Variants in ANKRD11 observed in about 807,000 individuals in gnomAD.
The protein encoded by ANKRD11 is ankyrin repeat domain 11.
A neutral mutation model predicts 195.7 loss-of-function variants in ANKRD11; 17 were observed. The ratio of observed to expected loss-of-function variants is 0.09; its 90% CI spans 0.06 to 0.13. The LOEUF (loss-of-function observed/expected upper bound fraction) is 0.13. ANKRD11 is among the 10% of genes least tolerant of loss of function. The probability of loss-of-function intolerance (pLI) is 1.00; values close to 1 mark genes in which losing one functional copy is unlikely to be tolerated. For synonymous variants in ANKRD11, 1,953 were observed against 1,528.1 expected, an observed-to-expected ratio of 1.28 and a Z score of -6.49; for missense variants, 3,735 against 3,566.1, an observed-to-expected ratio of 1.05 and a Z score of -1.21.
chr16:89,467,036 A>G (rs1362853130), intron 1 of ANKRD11, among the ~76,000 whole-genome samples: 2 of 152,246 alleles, frequency 1.3e-5, no homozygotes, highest in Non-Finnish European at 2.9e-5. Context: ...ATCCTATCAT[A>G]TAAGAAATTC....
chr16:89,386,240 C>T lies in ANKRD11; in HGVS notation c.-60+32044G>A, dbSNP rs555413796. On this transcript the variant is annotated intron_variant, in intron 2 of 12. Coordinates refer to ENST00000301030, the MANE Select transcript of ANKRD11 (RefSeq NM_013275.6). ...ACAAGTTTTCCATTAACATAATGAC[C>T]AAATAAAAAATGACTCCATGTTAAA... is the stretch of plus-strand genomic sequence containing the variant. 4.6e-5 allele frequency among the ~76,000 whole-genome samples: 7 copies of T among 151,554 alleles called. No individual in the cohort carries two copies. In the South Asian group the frequency reaches 1.5e-3, roughly 32 times the overall value.
At chr16:89,330,219 C>G (rs565292647) in intron 2 of ANKRD11, among the ~76,000 whole-genome samples, 1 of 152,146 alleles carries the variant, frequency 6.6e-6, no homozygotes, top group South Asian at 2.1e-4. Flanking sequence ...GCTGTGTGTC[C>G]GGTCAGGGGC....
At chr16:89,485,961 G>A (rs2152380911) in intron 1 of ANKRD11, among the ~76,000 whole-genome samples, 1 of 152,280 alleles carries the variant, frequency 6.6e-6, no homozygotes, top group African/African-American at 2.4e-5. Context: ...GAAACGATGA[G>A]GAAATCTGAA....
chr16:89,457,475 G>A (rs539067858), intron 1 of ANKRD11, among the ~76,000 whole-genome samples: 5 of 150,778 alleles, frequency 3.3e-5, no homozygotes, highest in South Asian at 2.1e-4. Flanking sequence ...GTGGGCACCC[G>A]TAATCCCAGC....
intron 1 of ANKRD11, among the ~76,000 whole-genome samples, chr16:89,436,046 A>AT (rs1359322687): frequency 7.9e-5 from 12 of 152,174 alleles, no homozygotes; most frequent in African/African-American, 2.4e-4. Context: ...TCTTCCAACA[A>AT]TATGACTGCA....
At chr16:89,394,619 ACT>A (rs1448674128) in intron 2 of ANKRD11, among the ~76,000 whole-genome samples, 9 of 137,236 alleles carry the variant, frequency 6.6e-5, no homozygotes, top group Non-Finnish European at 1.4e-4. Flanking sequence ...CAAAAGCAAA[ACT>A]CTGTCTCCAA....
At chr16:89,335,979 ACT>A (rs1376007626) in intron 2 of ANKRD11, among the ~76,000 whole-genome samples, 4 of 152,122 alleles carry the variant, frequency 2.6e-5, no homozygotes, top group African/African-American at 9.7e-5. Context: ...ATGCCCTGTG[ACT>A]CTCTCAGATG....
intron 2 of ANKRD11, among the ~76,000 whole-genome samples, chr16:89,366,583 A>C (rs2039959986): frequency 6.6e-6 from 1 of 152,128 alleles, no homozygotes; most frequent in Non-Finnish European, 1.5e-5. Context: ...GCTGGTTTCC[A>C]CTCGCTGAAA....
chr16:89,329,321 C>T (rs543264925), intron 2 of ANKRD11, among the ~76,000 whole-genome samples: 3 of 152,140 alleles, frequency 2.0e-5, no homozygotes, highest in African/African-American at 7.2e-5. Flanking sequence ...GGCCACTGGG[C>T]GAAGGTGGGG....
At position 89,393,312 on chromosome 16, in the gene ANKRD11, TTA is replaced by T. The variant is rs1324808330; in HGVS notation, c.-60+24970_-60+24971del. ...CCTCTTTTTTTTACTTTTTTTATTT[TTA>T]TTTTTTTTTTTTTTGAGACGGAGGC... On this transcript the variant is annotated intron_variant, in intron 2 of 12. Transcript: ENST00000301030. Among the ~76,000 whole-genome samples the T allele has an allele frequency of 6.7e-5, 10 of 149,582 alleles. No individual in the cohort carries two copies. In the South Asian group the frequency reaches 1.0e-3, roughly 16 times the overall value.
In ANKRD11 at chr16:89,385,723, C is replaced by G. The variant is rs184479734; in HGVS notation, c.-60+32561G>C. 3.6e-3 allele frequency among the ~76,000 whole-genome samples: 544 copies of G among 152,376 alleles called. 3 individuals are homozygous for G. Among genetic ancestry groups the G allele is most frequent in the African/African-American group, 0.012 (491 of 41,582 alleles). On this transcript the variant is annotated intron_variant, in intron 2 of 12. Coordinates refer to ENST00000301030, the MANE Select transcript of ANKRD11 (RefSeq NM_013275.6). ...TCACGTACAGTCTGCAAAGAAAACC[C>G]CACTCAGCACCACTTTCACGTCTGA...
At chr16:89,269,164 A>AT (rs2032908137) in intron 12 of ANKRD11, among the ~76,000 whole-genome samples, 4 of 152,160 alleles carry the variant, frequency 2.6e-5, no homozygotes, top group Admixed American at 1.3e-4. Context: ...TGTCACAAGC[A>AT]ACCGTGTAGA....
At chr16:89,461,562 A>G (rs1312231586) in intron 1 of ANKRD11, among the ~76,000 whole-genome samples, 1 of 152,078 alleles carries the variant, frequency 6.6e-6, no homozygotes, top group Non-Finnish European at 1.5e-5. Context: ...GCTGGTCTCA[A>G]ACGCCTGTGC....
At chr16:89,430,808 A>G (rs981078365) in intron 1 of ANKRD11, among the ~76,000 whole-genome samples, 1 of 152,176 alleles carries the variant, frequency 6.6e-6, no homozygotes, top group Admixed American at 6.5e-5. Flanking sequence ...CTTTCTTAAG[A>G]CAAAAGGGAG....
intron 1 of ANKRD11, among the ~76,000 whole-genome samples, chr16:89,441,910 C>G (rs2043523042): frequency 6.6e-6 from 1 of 151,872 alleles, no homozygotes; most frequent in African/African-American, 2.4e-5. Flanking sequence ...CAAAAAGGCA[C>G]CTTCCCCCAT....
At chr16:89,416,981 A>C (rs2042337873) in intron 2 of ANKRD11, among the ~76,000 whole-genome samples, 1 of 152,034 alleles carries the variant, frequency 6.6e-6, no homozygotes, top group African/African-American at 2.4e-5. Flanking sequence ...GATCTTGAAA[A>C]ATGTCTCACC....
In ANKRD11 at chr16:89,281,237, T is replaced by C. The variant is rs772853156; in HGVS notation, c.5305A>G (p.Ser1769Gly). ...SFFDRFSVAS[S>G]GLSENASQAP... is the part of the protein sequence containing the mutation. ...TGGCTGGCGTTTTCCGAAAGCCCAC[T>C]TGAAGCCACGGAGAACCTGTCGAAA... The change falls in exon 9 of 13, where the codon AGT becomes GGT. Residue 1769 changes from serine to glycine, a missense_variant. By Grantham distance (56) the Ser-to-Gly change is moderately conservative. Transcript: ENST00000301030. This position sits in a 1 kb window ranked among gnomAD's most constrained non-coding sequence, Gnocchi z 5.5. 14 of 1,614,142 alleles carry C rather than the reference T, an allele frequency of 8.7e-6. No homozygotes were observed. Among genetic ancestry groups the C allele is most frequent in the East Asian group, 6.7e-5 (3 of 44,876 alleles).
At chr16:89,338,407 C>G (rs1436403851) in intron 2 of ANKRD11, among the ~76,000 whole-genome samples, 3 of 140,020 alleles carry the variant, frequency 2.1e-5, no homozygotes, top group African/African-American at 8.2e-5. Context: ...AAATCCTGTA[C>G]TTAACATACA....
At chr16:89,480,692 G>A (rs956030467) in intron 1 of ANKRD11, among the ~76,000 whole-genome samples, 9 of 152,036 alleles carry the variant, frequency 5.9e-5, no homozygotes, top group African/African-American at 1.9e-4. Flanking sequence ...ACCCCCTTCT[G>A]TTTGGACCCA....
Sources: gnomAD v4.1 joint callset for allele counts (sites outside exome capture counted in the v4.1 genomes callset) on GRCh38, gnomAD v4.1.1 for gene constraint, Gnocchi (gnomAD v3.1) non-coding constraint, MANE v1.5 for transcripts, NCBI Gene and HGNC (gene_info 2026-07-23, HGNC 2026-07-21) for gene names.